The following NRG1 variants were observed in gnomAD, a reference collection of about 807,000 sequenced individuals.
The protein encoded by NRG1 is neuregulin 1, also known as pro-neuregulin-1, membrane-bound isoform.
A neutral mutation model predicts 63.8 loss-of-function variants in NRG1; 18 were observed. The observed-to-expected ratio is 0.28, with a 90% confidence interval of 0.19 to 0.42. The LOEUF (loss-of-function observed/expected upper bound fraction) is 0.42. Ranked by LOEUF, NRG1 falls within the 10% of genes least tolerant of loss-of-function variation. NRG1 has a pLI of 1.00. For synonymous variants in NRG1, 302 were observed against 301.3 expected (o/e 1.00, Z -0.02); for missense variants, 762 against 814.7 (o/e 0.94, Z 0.79).
At chr8:32,539,707 T>C (rs1222497990) in intron 1 of NRG1, among the ~76,000 whole-genome samples, 1 of 152,216 alleles carries the variant, frequency 6.6e-6, no homozygotes, top group Non-Finnish European at 1.5e-5. Flanking sequence ...AAGTAAATGA[T>C]GTTTTTATAG....
At chr8:32,431,765 A>G (rs759205747) in intron 1 of NRG1, among the ~76,000 whole-genome samples, 24 of 151,926 alleles carry the variant, frequency 1.6e-4, no homozygotes, top group Non-Finnish European at 3.2e-4. Flanking sequence ...GGAAAAAATT[A>G]CATTTTGTAA....
At chr8:32,748,358 C>CAGAGAGAGAGAGAGAGAG (rs34657847) in intron 7 of NRG1, among the ~76,000 whole-genome samples, 22 of 121,964 alleles carry the variant, frequency 1.8e-4, no homozygotes, top group South Asian at 3.1e-4. Context: ...CACACACACA[C>CAGAGAGAGAGAGAGAGAG]AGAGAGAGAG....
chr8:32,438,819 A>T (rs116321789), intron 1 of NRG1, among the ~76,000 whole-genome samples: 1 of 152,060 alleles, frequency 6.6e-6, no homozygotes, highest in Non-Finnish European at 1.5e-5. Flanking sequence ...GCTTATTTGC[A>T]TCTGTATATC....
chr8:32,737,484 G>A (rs537140070), intron 6 of NRG1, among the ~76,000 whole-genome samples: 15 of 152,146 alleles, frequency 9.9e-5, no homozygotes, highest in African/African-American at 2.9e-4. Context: ...CTGGGAGGTA[G>A]AGATTGCAAT....
At chr8:31,988,482 A>T (rs969723150) in intron 1 of NRG1, among the ~76,000 whole-genome samples, 2 of 152,098 alleles carry the variant, frequency 1.3e-5, no homozygotes, top group South Asian at 2.1e-4. Flanking sequence ...GAAGCTTACC[A>T]TCAAAATTTC....
chr8:32,339,134 C>T (rs1055661075), intron 1 of NRG1, among the ~76,000 whole-genome samples: 3 of 152,132 alleles, frequency 2.0e-5, no homozygotes, highest in Non-Finnish European at 4.4e-5. Context: ...TTCCTCTTAA[C>T]ATTATTTCCA....
chr8:31,875,337 G>GC (rs1376623019), intron 1 of NRG1, among the ~76,000 whole-genome samples: 1 of 152,116 alleles, frequency 6.6e-6, no homozygotes, highest in Non-Finnish European at 1.5e-5. Flanking sequence ...TCCAGACTGG[G>GC]CAGGGAGTCT....
At chr8:31,874,533 T>A (rs1180406932) in intron 1 of NRG1, among the ~76,000 whole-genome samples, 1 of 152,222 alleles carries the variant, frequency 6.6e-6, no homozygotes, top group East Asian at 1.9e-4. Context: ...AGGCATGCAA[T>A]GCATTATAAT....
chr8:32,550,136 G>C (rs1159084218), intron 1 of NRG1, among the ~76,000 whole-genome samples: 3 of 152,178 alleles, frequency 2.0e-5, no homozygotes, highest in African/African-American at 7.2e-5. Flanking sequence ...AAATTGAACA[G>C]AGAGTAATTG....
At chr8:31,696,292 C>T (rs1326253145) in intron 1 of NRG1, among the ~76,000 whole-genome samples, 1 of 152,206 alleles carries the variant, frequency 6.6e-6, no homozygotes, top group African/African-American at 2.4e-5. Context: ...GTCTCGAACT[C>T]CTGACGTCAA....
intron 3 of NRG1, among the ~76,000 whole-genome samples, chr8:32,608,092 G>GTTTTTTTTTTTTTT (rs1226154193): frequency 3.8e-5 from 4 of 106,156 alleles, no homozygotes; most frequent in African/African-American, 1.0e-4. Context: ...GGTTTTTTTT[G>GTTTTTTTTTTTTTT]TTTTTTTTTT....
chr8:32,703,032 A>G (rs1815371487), intron 5 of NRG1, among the ~76,000 whole-genome samples: 1 of 152,222 alleles, frequency 6.6e-6, no homozygotes, highest in South Asian at 2.1e-4. Flanking sequence ...TTCCTTAAAT[A>G]AATCAACAGT....
chr8:32,562,360 A>T (rs1457555785), intron 1 of NRG1, among the ~76,000 whole-genome samples: 4 of 151,914 alleles, frequency 2.6e-5, no homozygotes, highest in Non-Finnish European at 5.9e-5. Context: ...TGATCCTCCC[A>T]CCTTAACCTC....
intron 1 of NRG1, among the ~76,000 whole-genome samples, chr8:32,484,618 T>A (rs2129493756): frequency 6.6e-6 from 1 of 152,202 alleles, no homozygotes; most frequent in East Asian, 1.9e-4. Flanking sequence ...TTCTTTCTCC[T>A]ACTGTAGACT....
chr8:32,366,402 G>T (rs917927568), intron 1 of NRG1, among the ~76,000 whole-genome samples: 1 of 151,678 alleles, frequency 6.6e-6, no homozygotes. Flanking sequence ...CTACCTCCAT[G>T]ACATTAACTT....
intron 5 of NRG1, among the ~76,000 whole-genome samples, chr8:32,702,842 GA>G (rs1241462280): frequency 6.6e-6 from 1 of 152,130 alleles, no homozygotes; most frequent in Non-Finnish European, 1.5e-5. Flanking sequence ...GAGGAGTCAA[GA>G]AAATGAGGTG....
intron 1 of NRG1, among the ~76,000 whole-genome samples, chr8:32,270,202 T>C (rs1851401524): frequency 6.6e-6 from 1 of 152,216 alleles, no homozygotes; most frequent in Non-Finnish European, 1.5e-5. Context: ...ATGAGACGTT[T>C]TGCTAAATTC....
chr8:32,552,123 A>G (rs1834254642), intron 1 of NRG1, among the ~76,000 whole-genome samples: 1 of 149,950 alleles, frequency 6.7e-6, no homozygotes, highest in Non-Finnish European at 1.5e-5. Context: ...GTTGGCCAGG[A>G]TGGTGTCGAT....
intron 5 of NRG1, among the ~76,000 whole-genome samples, chr8:32,708,718 A>G (rs144448706): frequency 4.6e-5 from 7 of 152,330 alleles, no homozygotes; most frequent in African/African-American, 1.4e-4. Flanking sequence ...TGTTGAAGTC[A>G]CACAATAATT....
Sources: allele counts gnomAD v4.1 joint callset (sites outside exome capture counted in the v4.1 genomes callset), GRCh38; gene constraint gnomAD v4.1.1; transcripts MANE v1.5; gene names NCBI Gene and HGNC (gene_info 2026-07-23, HGNC 2026-07-21).